SPAG16: variants seen among roughly 807,000 people sequenced by gnomAD.
SPAG16 encodes sperm-associated antigen 16 protein.
SPAG16 carries 86 observed loss-of-function variants against 80.4 expected under a neutral mutation model. The observed-to-expected ratio is 1.07, with a 90% CI of 0.90 to 1.28. The LOEUF (loss-of-function observed/expected upper bound fraction) is 1.28, where lower values mean the gene tolerates loss of function less well. SPAG16 is among the 50% of genes most tolerant of loss of function. The pLI, the probability that SPAG16 is intolerant of heterozygous loss-of-function variation, is 0.00. For synonymous variants in SPAG16, 294 were observed against 265.9 expected (o/e 1.11, Z -1.03); for missense variants, 870 against 765.3 (o/e 1.14, Z -1.61).
intron 9 of SPAG16, among the ~76,000 whole-genome samples, chr2:213,378,183 T>G (rs974034609): frequency 1.3e-5 from 2 of 152,140 alleles, no homozygotes; most frequent in African/African-American, 2.4e-5. Context: ...AGGAGCTGAT[T>G]AGATGTTGCC....
chr2:213,583,212 A>G (rs1259855683), intron 10 of SPAG16, among the ~76,000 whole-genome samples: 1 of 152,206 alleles, frequency 6.6e-6, no homozygotes, highest in East Asian at 1.9e-4. Flanking sequence ...TTCCATGGAA[A>G]AAACAGGCTC....
intron 12 of SPAG16, among the ~76,000 whole-genome samples, chr2:213,972,314 A>C (rs1470297653): frequency 6.6e-6 from 1 of 151,630 alleles, no homozygotes; most frequent in Non-Finnish European, 1.5e-5. Context: ...ATCTATAAAA[A>C]GAGATTTATT....
At chr2:214,308,178 A>C (rs1358751055) in intron 15 of SPAG16, among the ~76,000 whole-genome samples, 1 of 152,010 alleles carries the variant, frequency 6.6e-6, no homozygotes, top group Non-Finnish European at 1.5e-5. Context: ...TGTTGGTTTA[A>C]AGTCTGTTTT....
intron 7 of SPAG16, among the ~76,000 whole-genome samples, chr2:213,359,082 A>G (rs1279942256): frequency 6.6e-6 from 1 of 152,190 alleles, no homozygotes; most frequent in East Asian, 1.9e-4. Context: ...TATCACCAGC[A>G]GAGGCTGTAG....
chr2:213,812,451 T>G (rs1186881733), intron 10 of SPAG16, among the ~76,000 whole-genome samples: 1 of 152,210 alleles, frequency 6.6e-6, no homozygotes, highest in Non-Finnish European at 1.5e-5. Context: ...ACAGGAAATC[T>G]AATAGGTTAT....
intron 12 of SPAG16, among the ~76,000 whole-genome samples, chr2:213,974,481 C>T (rs970401776): frequency 3.3e-5 from 5 of 151,888 alleles, no homozygotes; most frequent in African/African-American, 1.2e-4. Context: ...AGTTAAAAAA[C>T]AAATTATGTT....
chr2:213,500,402 C>G (rs1678917552), intron 10 of SPAG16, among the ~76,000 whole-genome samples: 2 of 152,056 alleles, frequency 1.3e-5, no homozygotes, highest in Admixed American at 1.3e-4. Flanking sequence ...TGGTCAAGGC[C>G]AAGAATATAA....
At chr2:214,109,599 C>G (rs975742570) in intron 14 of SPAG16, among the ~76,000 whole-genome samples, 1 of 152,158 alleles carries the variant, frequency 6.6e-6, no homozygotes, top group African/African-American at 2.4e-5. Flanking sequence ...ATTATATCTA[C>G]TAAGGGAATG....
chr2:214,253,162 C>A (rs1352562837), intron 15 of SPAG16, among the ~76,000 whole-genome samples: 1 of 119,114 alleles, frequency 8.4e-6, no homozygotes. Context: ...TATTTTTTTT[C>A]TTGTAAATCT....
intron 11 of SPAG16, among the ~76,000 whole-genome samples, chr2:213,886,750 AC>A (rs748994373): frequency 1.1e-3 from 172 of 152,212 alleles, no homozygotes; most frequent in Admixed American, 1.2e-3. Flanking sequence ...GAAAAAAAAA[AC>A]TTGGAAATCA....
chr2:213,925,383 G>A (rs2078424364), intron 11 of SPAG16, among the ~76,000 whole-genome samples: 1 of 143,522 alleles, frequency 7.0e-6, no homozygotes, highest in South Asian at 2.1e-4. Context: ...GTGGAGTCTT[G>A]CTGTGTTGCC....
intron 13 of SPAG16, among the ~76,000 whole-genome samples, chr2:214,026,433 A>G (rs1559707063): frequency 6.6e-6 from 1 of 151,606 alleles, no homozygotes; most frequent in Non-Finnish European, 1.5e-5. Context: ...CTATACACAT[A>G]AAGATGTTTG....
chr2:214,167,733 T>G (rs1240189808), intron 15 of SPAG16, among the ~76,000 whole-genome samples: 2 of 151,866 alleles, frequency 1.3e-5, no homozygotes, highest in East Asian at 3.9e-4. Flanking sequence ...GAGTTAATTG[T>G]ATACTTTTTA....
intron 13 of SPAG16, among the ~76,000 whole-genome samples, chr2:214,014,826 CA>C (rs1014328862): frequency 5.9e-5 from 9 of 152,112 alleles, no homozygotes; most frequent in African/African-American, 1.9e-4. Context: ...TTTACCTTGT[CA>C]ACTGAAGAGT....
At chr2:213,524,773 A>C (rs556086904) in intron 10 of SPAG16, among the ~76,000 whole-genome samples, 1 of 152,262 alleles carries the variant, frequency 6.6e-6, no homozygotes, top group Non-Finnish European at 1.5e-5. Context: ...GTATCTAAAA[A>C]GTAACTATCT....
At chr2:213,879,796 G>A (rs1399025931) in intron 11 of SPAG16, among the ~76,000 whole-genome samples, 2 of 152,080 alleles carry the variant, frequency 1.3e-5, no homozygotes, top group African/African-American at 2.4e-5. Context: ...CATGCATATA[G>A]TTGCAAAGAA....
intron 15 of SPAG16, among the ~76,000 whole-genome samples, chr2:214,297,000 C>A (rs1694180782): frequency 6.6e-6 from 1 of 152,220 alleles, no homozygotes; most frequent in Non-Finnish European, 1.5e-5. Context: ...TGTTAGCTCA[C>A]TGAGGCCCTC....
At chr2:213,701,479 G>A (rs111250364) in intron 10 of SPAG16, among the ~76,000 whole-genome samples, 28 of 152,222 alleles carry the variant, frequency 1.8e-4, no homozygotes, top group African/African-American at 3.1e-4. Flanking sequence ...CCTTCAGCCC[G>A]CTGCTGCACT....
At chr2:214,017,116 G>A (rs2047629108) in intron 13 of SPAG16, among the ~76,000 whole-genome samples, 1 of 152,152 alleles carries the variant, frequency 6.6e-6, no homozygotes, top group South Asian at 2.1e-4. Flanking sequence ...TTCACATGTT[G>A]CAGAGATTTA....
Sources: allele counts gnomAD v4.1 joint callset (sites outside exome capture counted in the v4.1 genomes callset), GRCh38; gene constraint gnomAD v4.1.1; transcripts MANE v1.5; gene names NCBI Gene and HGNC (gene_info 2026-07-23, HGNC 2026-07-21).